ZNF362: variants seen among roughly 807,000 people sequenced by gnomAD.
The protein encoded by ZNF362 is zinc finger protein 362.
In ZNF362, 11 loss-of-function variants were observed where a neutral mutation model predicts 42.9. The observed-to-expected ratio is 0.26, with a 90% CI of 0.16 to 0.42. The LOEUF (loss-of-function observed/expected upper bound fraction) is 0.42, where lower values mean the gene tolerates loss of function less well. Ranked by LOEUF, ZNF362 falls within the 20% of genes least tolerant of loss-of-function variation. The pLI is 1.00. For missense variants in ZNF362, 362 were observed against 576.2 expected, an observed-to-expected ratio of 0.63 and a Z score of 3.81; for synonymous variants, 255 against 257.3, an observed-to-expected ratio of 0.99 and a Z score of 0.09.
chr1:33,263,892 G>T (rs1350943362), intron 1 of ZNF362, among the ~76,000 whole-genome samples: 1 of 152,160 alleles, frequency 6.6e-6, no homozygotes, highest in African/African-American at 2.4e-5. Flanking sequence ...GTCTGGTGGG[G>T]CCTGTAGCCG....
the ZNF362 span, among the ~76,000 whole-genome samples, chr1:33,239,127 T>C: frequency 7.9e-5 from 12 of 152,212 alleles, no homozygotes; most frequent in Non-Finnish European, 1.6e-4. Flanking sequence ...TCTGTGGCAC[T>C]ATTATCAAAT....
intron 1 of ZNF362, among the ~76,000 whole-genome samples, chr1:33,258,230 G>T (rs1278792045): frequency 6.6e-6 from 1 of 152,184 alleles, no homozygotes; most frequent in Non-Finnish European, 1.5e-5. Context: ...AGGGCCTGCT[G>T]GCTCCGCAGG....
At chr1:33,132,916 G>A in the ZNF362 span, among the ~76,000 whole-genome samples, 1 of 152,226 alleles carries the variant, frequency 6.6e-6, no homozygotes, top group African/African-American at 2.4e-5. Context: ...AAAAGCATGG[G>A]GGAATGTTTT....
the ZNF362 span, among the ~76,000 whole-genome samples, chr1:33,236,550 A>AAAAAAT: frequency 3.3e-4 from 2 of 5,982 alleles, no homozygotes; most frequent in African/African-American, 3.9e-4. Context: ...AAAAAAAAAA[A>AAAAAAT]ATATATATAT....
the ZNF362 span, among the ~76,000 whole-genome samples, chr1:33,192,380 C>A: frequency 1.3e-5 from 2 of 152,202 alleles, no homozygotes; most frequent in African/African-American, 4.8e-5. Context: ...CATTGGCCGA[C>A]AAATTTTACA....
the ZNF362 span, among the ~76,000 whole-genome samples, chr1:33,198,699 T>C: frequency 6.6e-6 from 1 of 151,694 alleles, no homozygotes; most frequent in Non-Finnish European, 1.5e-5. Flanking sequence ...CAATCGTCAA[T>C]CAATCAAAAC....
the ZNF362 span, among the ~76,000 whole-genome samples, chr1:33,173,708 A>T: frequency 6.7e-5 from 10 of 149,652 alleles, no homozygotes; most frequent in South Asian, 4.2e-4. Flanking sequence ...ATTAAAAAAA[A>T]TTTTTTTAGA....
intron 1 of ZNF362, among the ~76,000 whole-genome samples, chr1:33,264,516 C>T (rs918400618): frequency 2.6e-5 from 4 of 152,140 alleles, no homozygotes; most frequent in African/African-American, 9.7e-5. Flanking sequence ...CATAATCATC[C>T]CCAGTTTACA....
chr1:33,189,143 T>C, the ZNF362 span, among the ~76,000 whole-genome samples: 1 of 152,160 alleles, frequency 6.6e-6, no homozygotes, highest in African/African-American at 2.4e-5. Flanking sequence ...AGCCCTTGAG[T>C]GGGACTGTAG....
the ZNF362 span, among the ~76,000 whole-genome samples, chr1:33,247,041 T>A: frequency 6.6e-6 from 1 of 152,206 alleles, no homozygotes; most frequent in Non-Finnish European, 1.5e-5. Context: ...TGTCCTGGTC[T>A]CTGGTTTAAT....
At chr1:33,227,421 A>G in the ZNF362 span, among the ~76,000 whole-genome samples, 1 of 152,088 alleles carries the variant, frequency 6.6e-6, no homozygotes, top group East Asian at 1.9e-4. Context: ...CCTGCTCAGA[A>G]CGCAACTGCC....
At chr1:33,215,355 T>C in the ZNF362 span, among the ~76,000 whole-genome samples, 1 of 152,010 alleles carries the variant, frequency 6.6e-6, no homozygotes, top group Non-Finnish European at 1.5e-5. Flanking sequence ...AGAAGGAAGC[T>C]TGGGGTAGGG....
At chr1:33,169,738 T>C in the ZNF362 span, among the ~76,000 whole-genome samples, 1 of 152,214 alleles carries the variant, frequency 6.6e-6, no homozygotes, top group East Asian at 1.9e-4. Flanking sequence ...AATGGAAAAT[T>C]CAGCTCCTCG....
At chr1:33,157,568 G>A in the ZNF362 span, among the ~76,000 whole-genome samples, 1 of 151,976 alleles carries the variant, frequency 6.6e-6, no homozygotes, top group African/African-American at 2.4e-5. Flanking sequence ...CACACCCTAG[G>A]ATGTAAGATG....
the ZNF362 span, among the ~76,000 whole-genome samples, chr1:33,161,371 G>A: frequency 6.6e-6 from 1 of 152,000 alleles, no homozygotes; most frequent in South Asian, 2.1e-4. The surrounding 1 kb of genome is among the most constrained non-coding windows in gnomAD (Gnocchi z 4.3). Context: ...AGCAGCATGT[G>A]GGGCCTGCCT....
rs1000916331 is a variant in ZNF362, at chr1:33,294,293, C to T, written c.909-644C>T. On this transcript the variant is annotated intron_variant, in intron 6 of 8. Coordinates refer to ENST00000539719, the MANE Select transcript of ZNF362 (RefSeq NM_152493.3). The surrounding 1 kb of genome is among the most constrained non-coding windows in gnomAD (Gnocchi z 4.2). ...TTTTGCAGATGAGGAAACTGATGCT[C>T]AGTGGTTTGTCCAAGGTCACCCAGC... Among the ~76,000 whole-genome samples, 1 of 152,154 alleles carries T rather than the reference C, an allele frequency of 6.6e-6. No individual in the cohort carries two copies. The highest frequency in any genetic ancestry group is 2.4e-5 in the African/African-American group (1 of 41,430).
the ZNF362 span, among the ~76,000 whole-genome samples, chr1:33,170,907 G>C: frequency 3.9e-5 from 6 of 152,186 alleles, no homozygotes; most frequent in Non-Finnish European, 8.8e-5. Flanking sequence ...GCCTCACAGG[G>C]CACAGAGCCT....
At chr1:33,154,815 C>T in the ZNF362 span, among the ~76,000 whole-genome samples, 2 of 117,434 alleles carry the variant, frequency 1.7e-5, no homozygotes, top group Admixed American at 1.7e-4. Context: ...AAAAAGTGGC[C>T]AGGCGCGGTG....
chr1:33,177,136 C>A, the ZNF362 span, among the ~76,000 whole-genome samples: 1 of 151,708 alleles, frequency 6.6e-6, no homozygotes, highest in African/African-American at 2.4e-5. This position sits in a 1 kb window ranked among gnomAD's most constrained non-coding sequence, Gnocchi z 4.1. Flanking sequence ...TGCACACACA[C>A]GCACATGCAC....
Sources: allele counts gnomAD v4.1 joint callset (sites outside exome capture counted in the v4.1 genomes callset), GRCh38; gene constraint gnomAD v4.1.1; non-coding constraint Gnocchi (gnomAD v3.1); transcripts MANE v1.5; gene names NCBI Gene and HGNC (gene_info 2026-07-23, HGNC 2026-07-21).